PCCA: variants seen among roughly 807,000 people sequenced by gnomAD.
PCCA encodes propionyl-CoA carboxylase subunit alpha, also known as propionyl-CoA carboxylase alpha chain, mitochondrial.
In PCCA, 74 loss-of-function variants were observed where a neutral mutation model predicts 101.3. That is an observed-to-expected ratio of 0.73 (90% confidence interval 0.61 to 0.89). The LOEUF is 0.89. Among genes scored for constraint, PCCA ranks in the 40% least tolerant of loss-of-function variants. PCCA has a pLI of 0.00. For synonymous variants in PCCA, 294 were observed against 313.6 expected, an observed-to-expected ratio of 0.94 and a Z score of 0.66; for missense variants, 891 against 907.0, an observed-to-expected ratio of 0.98 and a Z score of 0.23.
chr13:100,446,186 T>C (rs1208931045), intron 20 of PCCA, among the ~76,000 whole-genome samples: 1 of 152,126 alleles, frequency 6.6e-6, no homozygotes, highest in East Asian at 1.9e-4. Context: ...TGCAGGCACC[T>C]GCCACCACGC....
intron 20 of PCCA, among the ~76,000 whole-genome samples, chr13:100,438,464 A>G (rs1166194279): frequency 6.6e-6 from 1 of 152,096 alleles, no homozygotes; most frequent in Non-Finnish European, 1.5e-5. Context: ...TTGATTTCTC[A>G]TTAGCCCCAG....
chr13:100,327,592 G>C (rs981230196), intron 16 of PCCA, among the ~76,000 whole-genome samples: 1 of 152,180 alleles, frequency 6.6e-6, no homozygotes, highest in African/African-American at 2.4e-5. Flanking sequence ...TAATACGTAG[G>C]AGTGAGTTGT....
chr13:100,352,846 T>C (rs1447989150), intron 18 of PCCA, among the ~76,000 whole-genome samples: 1 of 152,180 alleles, frequency 6.6e-6, no homozygotes, highest in Non-Finnish European at 1.5e-5. Flanking sequence ...GGACTACAGA[T>C]GTACTCCACC....
At position 100,220,089 on chromosome 13, in the gene PCCA, A is replaced by C. The variant is rs996607535; in HGVS notation, c.600+10626A>C. Among the ~76,000 whole-genome samples the C allele has an allele frequency of 2.0e-5, 3 of 152,240 alleles. No homozygotes were observed. In the South Asian group the frequency reaches 6.2e-4, roughly 32 times the overall value. ...AAGGAGCTGGGGTCACAACTACTTG[A>C]GGGCTTACTCCTGAATGCTAACTGA... On this transcript the variant is annotated intron_variant, in intron 7 of 23. Coordinates refer to ENST00000376285, the MANE Select transcript of PCCA (RefSeq NM_000282.4).
chr13:100,500,714 T>C (rs187670726), intron 21 of PCCA, among the ~76,000 whole-genome samples: 3 of 152,344 alleles, frequency 2.0e-5, no homozygotes. Flanking sequence ...TCTAAGAATA[T>C]ATTTGATCCA....
chr13:100,509,271 G>A (rs900848518), intron 21 of PCCA, among the ~76,000 whole-genome samples: 11 of 152,310 alleles, frequency 7.2e-5, no homozygotes, highest in Non-Finnish European at 1.5e-4. Flanking sequence ...TGCGTAAAAT[G>A]TTGTAACAGT....
At chr13:100,332,729 T>G (rs1322653439) in intron 17 of PCCA, among the ~76,000 whole-genome samples, 2 of 152,182 alleles carry the variant, frequency 1.3e-5, no homozygotes, top group South Asian at 4.1e-4. Context: ...TATTGCAGTT[T>G]TCTGTGATGC....
intron 8 of PCCA, among the ~76,000 whole-genome samples, chr13:100,244,045 G>A (rs1381801756): frequency 6.6e-6 from 1 of 152,106 alleles, no homozygotes; most frequent in African/African-American, 2.4e-5. Flanking sequence ...TTATATGGAA[G>A]AAACCTTTGC....
chr13:100,210,068 C>A (rs2059114881), intron 7 of PCCA, among the ~76,000 whole-genome samples: 1 of 152,120 alleles, frequency 6.6e-6, no homozygotes, highest in Admixed American at 6.6e-5. Flanking sequence ...GATCCTCTCG[C>A]CATGACTCAA....
chr13:100,383,765 T>C (rs1610386), intron 19 of PCCA, among the ~76,000 whole-genome samples: 5,020 of 152,286 alleles, frequency 0.033, 295 homozygotes, highest in African/African-American at 0.11. Context: ...TGTTTTGTAG[T>C]ATTCATATAA....
At chr13:100,152,725 C>T (rs1182699975) in intron 4 of PCCA, among the ~76,000 whole-genome samples, 1 of 152,146 alleles carries the variant, frequency 6.6e-6, no homozygotes, top group Non-Finnish European at 1.5e-5. Flanking sequence ...GGATTACAGG[C>T]ATGAGCCACC....
chr13:100,157,501 CTGTT>C (rs768819317), intron 6 of PCCA, among the ~76,000 whole-genome samples, 161 bp downstream of exon 6: 2 of 152,098 alleles, frequency 1.3e-5, no homozygotes, highest in Non-Finnish European at 2.9e-5. Flanking sequence ...TGAAACTCAA[CTGTT>C]TATTTGAAGA....
At chr13:100,318,731 T>C (rs1421038807) in intron 16 of PCCA, among the ~76,000 whole-genome samples, 4 of 152,128 alleles carry the variant, frequency 2.6e-5, no homozygotes, top group African/African-American at 9.7e-5. Context: ...CAGTCTATCA[T>C]TGATGGACAT....
At chr13:100,233,678 A>G (rs972674325) in intron 7 of PCCA, among the ~76,000 whole-genome samples, 2 of 152,218 alleles carry the variant, frequency 1.3e-5, no homozygotes, top group Admixed American at 1.3e-4. Context: ...CCAGTGCATA[A>G]TAGGTCCTCA....
At chr13:100,362,860 A>G (rs530643603) in intron 18 of PCCA, among the ~76,000 whole-genome samples, 1 of 152,282 alleles carries the variant, frequency 6.6e-6, no homozygotes, top group East Asian at 1.9e-4. Context: ...CACATTTTCA[A>G]TTGCATGTAG....
chr13:100,219,074 C>T (rs975776881), intron 7 of PCCA, among the ~76,000 whole-genome samples: 1 of 152,150 alleles, frequency 6.6e-6, no homozygotes, highest in African/African-American at 2.4e-5. Flanking sequence ...CTGGTTCACT[C>T]CCTGATTGCA....
intron 7 of PCCA, among the ~76,000 whole-genome samples, chr13:100,216,011 T>C (rs1472689007): frequency 6.6e-6 from 1 of 152,130 alleles, no homozygotes; most frequent in Non-Finnish European, 1.5e-5. Context: ...TGTAAATAGT[T>C]GTCCCACTGT....
At chr13:100,227,305 G>C (rs1303629264) in intron 7 of PCCA, among the ~76,000 whole-genome samples, 1 of 152,090 alleles carries the variant, frequency 6.6e-6, no homozygotes, top group Non-Finnish European at 1.5e-5. Flanking sequence ...TGCAAGGCTT[G>C]GTTACCCCAC....
chr13:100,161,805 G>T (rs2054507222), intron 6 of PCCA, among the ~76,000 whole-genome samples: 1 of 151,854 alleles, frequency 6.6e-6, no homozygotes, highest in Admixed American at 6.6e-5. Flanking sequence ...GCTTAAGAAG[G>T]GTTGAGAATT....
Sources: allele counts gnomAD v4.1 joint callset (sites outside exome capture counted in the v4.1 genomes callset), GRCh38; gene constraint gnomAD v4.1.1; transcripts MANE v1.5; gene names NCBI Gene and HGNC (gene_info 2026-07-23, HGNC 2026-07-21).